SUGCT: variants seen among roughly 807,000 people sequenced by gnomAD.
The protein encoded by SUGCT is succinyl-CoA:glutarate CoA-transferase.
A neutral mutation model predicts 55.0 loss-of-function variants in SUGCT; 41 were observed. That is an observed-to-expected ratio of 0.74 (90% CI 0.58 to 0.97). SUGCT has a LOEUF of 0.97. Ranked by LOEUF, SUGCT falls within the 50% of genes least tolerant of loss-of-function variation. The pLI is 0.00. For missense variants in SUGCT, 568 were observed against 547.8 expected (o/e 1.04, Z -0.37); for synonymous variants, 187 against 200.4 (o/e 0.93, Z 0.56).
intron 9 of SUGCT, among the ~76,000 whole-genome samples, chr7:40,391,034 A>C (rs1274669198): frequency 6.6e-6 from 1 of 152,214 alleles, no homozygotes; most frequent in African/African-American, 2.4e-5. Context: ...GAAATGGGGA[A>C]AGGATTCCCT....
chr7:40,712,972 G>T (rs749713951), intron 12 of SUGCT, among the ~76,000 whole-genome samples: 26 of 152,294 alleles, frequency 1.7e-4, no homozygotes, highest in South Asian at 4.1e-4. Flanking sequence ...ACATTCACAT[G>T]GTGGAATAGC....
the SUGCT span, among the ~76,000 whole-genome samples, chr7:40,999,274 C>A: frequency 6.6e-6 from 1 of 151,826 alleles, no homozygotes; most frequent in African/African-American, 2.4e-5. Context: ...CAAGACCAAC[C>A]ATCACTGAGG....
intron 9 of SUGCT, among the ~76,000 whole-genome samples, chr7:40,345,117 G>T (rs1019866612): frequency 2.6e-5 from 4 of 152,166 alleles, no homozygotes; most frequent in African/African-American, 9.7e-5. Flanking sequence ...AACTCTGGGA[G>T]CCCAGATGAG....
intron 1 of SUGCT, among the ~76,000 whole-genome samples, chr7:40,180,337 C>T (rs76935734): frequency 2.8e-4 from 42 of 152,010 alleles, no homozygotes; most frequent in African/African-American, 1.0e-3. Context: ...AGGCTGGTCT[C>T]AGGTGCCTGA....
intron 12 of SUGCT, among the ~76,000 whole-genome samples, chr7:40,702,164 G>GA (rs1234342936): frequency 6.6e-6 from 1 of 152,202 alleles, no homozygotes; most frequent in Non-Finnish European, 1.5e-5. Context: ...AAGGCAGCCA[G>GA]ACCTTCCTCA....
chr7:40,958,679 A>G, the SUGCT span, among the ~76,000 whole-genome samples: 3 of 151,984 alleles, frequency 2.0e-5, no homozygotes, highest in Admixed American at 2.0e-4. Context: ...CATCAAACTC[A>G]TTCTCTGTCC....
chr7:40,322,570 C>T (rs775525961), intron 9 of SUGCT, among the ~76,000 whole-genome samples: 1 of 152,108 alleles, frequency 6.6e-6, no homozygotes, highest in African/African-American at 2.4e-5. Flanking sequence ...GTGCTCCTGG[C>T]AAAACCACAA....
rs182823087 is a variant in SUGCT at position 40,843,583 on chromosome 7, A to C, written c.1154-16733A>C. ...GTGAAGGACGTGAGGGAATGATGTG[A>C]GTAGATTTTAGGAGGAAGAATGTTC... is the stretch of plus-strand genomic sequence containing the variant. On this transcript the variant is annotated intron_variant, in intron 13 of 13. Transcript: ENST00000335693. Among the ~76,000 whole-genome samples, 373 of 151,562 alleles carry C rather than the reference A, an allele frequency of 2.5e-3. 2 individuals are homozygous for C. Among genetic ancestry groups the C allele is most frequent in the African/African-American group, 8.8e-3 (362 of 41,348 alleles).
At chr7:40,663,657 C>T (rs901331644) in intron 12 of SUGCT, among the ~76,000 whole-genome samples, 2 of 152,188 alleles carry the variant, frequency 1.3e-5, no homozygotes, top group Admixed American at 6.5e-5. Flanking sequence ...GTACTCTGCC[C>T]ACCTGCTGGT....
At chr7:40,162,932 G>A (rs988079760) in intron 1 of SUGCT, among the ~76,000 whole-genome samples, 5 of 152,126 alleles carry the variant, frequency 3.3e-5, no homozygotes, top group Non-Finnish European at 7.3e-5. Flanking sequence ...ATCTTTATTG[G>A]GCAGGACTGG....
chr7:40,868,727 A>T, the SUGCT span, among the ~76,000 whole-genome samples: 1 of 152,032 alleles, frequency 6.6e-6, no homozygotes, highest in African/African-American at 2.4e-5. Flanking sequence ...TAAATTTTTT[A>T]TAGAGGTGGG....
intron 6 of SUGCT, among the ~76,000 whole-genome samples, chr7:40,231,371 AG>A (rs1788716427): frequency 1.3e-5 from 2 of 152,228 alleles, no homozygotes; most frequent in African/African-American, 2.4e-5. Flanking sequence ...CACAGGCCTC[AG>A]GGTACTAACA....
At chr7:40,314,398 C>A (rs901155718) in intron 8 of SUGCT, among the ~76,000 whole-genome samples, 4 of 151,942 alleles carry the variant, frequency 2.6e-5, no homozygotes, top group Admixed American at 6.6e-5. Flanking sequence ...AGCAACAGAG[C>A]CCCTTAGAGA....
chr7:40,932,106 A>G, the SUGCT span, among the ~76,000 whole-genome samples: 1 of 152,152 alleles, frequency 6.6e-6, no homozygotes, highest in East Asian at 1.9e-4. Flanking sequence ...TGTGTCTCAG[A>G]GATTCTGGTA....
At chr7:40,341,776 CAGAGG>C (rs1797064060) in intron 9 of SUGCT, among the ~76,000 whole-genome samples, 1 of 152,156 alleles carries the variant, frequency 6.6e-6, no homozygotes, top group East Asian at 1.9e-4. Flanking sequence ...GAAAGGAGTT[CAGAGG>C]CATTAAAGAT....
the SUGCT span, among the ~76,000 whole-genome samples, chr7:40,915,128 G>T: frequency 6.6e-6 from 1 of 152,140 alleles, no homozygotes; most frequent in Non-Finnish European, 1.5e-5. Flanking sequence ...GTGACAAAGA[G>T]GATAATGACC....
At chr7:40,555,231 G>T (rs907889148) in intron 12 of SUGCT, among the ~76,000 whole-genome samples, 10 of 151,584 alleles carry the variant, frequency 6.6e-5, no homozygotes, top group African/African-American at 2.4e-4. Context: ...TCCAGGAAAT[G>T]GATGGGAGGA....
intron 13 of SUGCT, among the ~76,000 whole-genome samples, chr7:40,807,757 C>A (rs1415645873): frequency 6.6e-6 from 1 of 152,108 alleles, no homozygotes; most frequent in Non-Finnish European, 1.5e-5. Context: ...TGTACTGACT[C>A]ACACGATCAC....
chr7:40,916,241 T>C, the SUGCT span, among the ~76,000 whole-genome samples: 2 of 152,190 alleles, frequency 1.3e-5, no homozygotes, highest in Admixed American at 6.5e-5. Context: ...TTGTATGGGA[T>C]CTACTTCTTC....
Sources: allele counts gnomAD v4.1 joint callset (sites outside exome capture counted in the v4.1 genomes callset), GRCh38; gene constraint gnomAD v4.1.1; transcripts MANE v1.5; gene names NCBI Gene and HGNC (gene_info 2026-07-23, HGNC 2026-07-21).